CLIC5: variants seen among roughly 807,000 people sequenced by gnomAD.
The protein encoded by CLIC5 is CLIC family member 5.
In CLIC5, 20 loss-of-function variants were observed where a neutral mutation model predicts 24.7. The ratio of observed to expected loss-of-function variants is 0.81; its 90% CI spans 0.57 to 1.18. CLIC5 has a LOEUF of 1.18. Ranked by LOEUF, CLIC5 falls within the 50% of genes most tolerant of loss-of-function variation. The pLI is 0.00. For missense variants in CLIC5, 341 were observed against 326.1 expected (o/e 1.05, Z -0.35); for synonymous variants, 159 against 135.6 (o/e 1.17, Z -1.20).
the CLIC5 span, among the ~76,000 whole-genome samples, chr6:46,098,906 T>C: frequency 3.3e-5 from 5 of 152,156 alleles, no homozygotes; most frequent in Non-Finnish European, 1.5e-5. Flanking sequence ...ACTGGCTTGG[T>C]GCCAGCGCAG....
Position 46,032,674 on chromosome 6 carries a change from A to G in CLIC5, c.540+47029T>C, listed in dbSNP as rs542810427. The stretch of plus-strand genomic sequence containing the variant: ...TCCTCATCTACAGACTCATCCCTGG[A>G]TTCAGAAACCTCTTTTCATTCATTC... On this transcript the variant is annotated intron_variant, in intron 1 of 5. Transcript: ENST00000185206. Among the ~76,000 whole-genome samples the G allele has an allele frequency of 2.6e-5, 4 of 152,296 alleles. No individual in the cohort carries two copies. In the East Asian group the frequency reaches 7.7e-4, roughly 29 times the overall value.
Position 45,898,723 on chromosome 6 carries a change from G to A in CLIC5, c.*4365C>T, listed in dbSNP as rs1351077757. 1.3e-5 allele frequency: 2 copies of A among 152,594 alleles called. No homozygotes were observed. The highest frequency in any genetic ancestry group is 1.9e-4 in the East Asian group (1 of 5,190). 9.5% of individuals were successfully genotyped at this position (152,594 alleles called of 1,614,324 possible). ...ACAAAAGCTAAGCATCTTTTGTTAA[G>A]CTAGTTAACTCCCCAGCTTATAAAA... is the stretch of plus-strand genomic sequence containing the variant. On this transcript the variant is annotated 3_prime_UTR_variant, in exon 6 of 6. Transcript: ENST00000339561.
intron 1 of CLIC5, among the ~76,000 whole-genome samples, chr6:45,969,760 T>C: frequency 6.6e-6 from 1 of 151,960 alleles, no homozygotes; most frequent in African/African-American, 2.4e-5. Context: ...AATCCTGCCT[T>C]GTTATTGAAT....
At chr6:45,947,637 G>A (rs1375206552) in intron 3 of CLIC5, among the ~76,000 whole-genome samples, 1 of 152,180 alleles carries the variant, frequency 6.6e-6, no homozygotes. Flanking sequence ...TTTCCTCTAT[G>A]GGTCTCCCAG....
chr6:45,920,193 T>A, intron 4 of CLIC5: 1 of 978,544 alleles, frequency 1.0e-6, no homozygotes, highest in Non-Finnish European at 1.2e-6. Flanking sequence ...TAATTCTTAG[T>A]ACTTTCAGCG....
intron 1 of CLIC5, among the ~76,000 whole-genome samples, chr6:46,059,085 C>G (rs1314458048): frequency 6.6e-6 from 1 of 152,176 alleles, no homozygotes; most frequent in Non-Finnish European, 1.5e-5. Flanking sequence ...TGGTGTCTAC[C>G]CCTAAGTAGA....
chr6:46,065,521 GC>G (rs1035862385), intron 1 of CLIC5, among the ~76,000 whole-genome samples: 7 of 152,132 alleles, frequency 4.6e-5, no homozygotes, highest in African/African-American at 1.4e-4. Context: ...GAATCCAAGT[GC>G]CCTCAACTGC....
At chr6:45,958,833 C>T (rs1764754457) in intron 1 of CLIC5, among the ~76,000 whole-genome samples, 1 of 152,062 alleles carries the variant, frequency 6.6e-6, no homozygotes, top group Non-Finnish European at 1.5e-5. Flanking sequence ...CTGAAACTTA[C>T]TTTATATTCA....
chr6:46,072,737 A>G (rs1327227622), intron 1 of CLIC5, among the ~76,000 whole-genome samples: 1 of 152,172 alleles, frequency 6.6e-6, no homozygotes, highest in Non-Finnish European at 1.5e-5. Flanking sequence ...AAAGGCTTAG[A>G]AAAGGATTTG....
In CLIC5 at chr6:46,058,444, G is replaced by T. The variant is rs561388583; in HGVS notation, c.540+21259C>A. 6.6e-5 allele frequency among the ~76,000 whole-genome samples: 10 copies of T among 152,304 alleles called. No homozygotes were observed. In the East Asian group the frequency reaches 1.2e-3, roughly 18 times the overall value. Reference sequence around the variant, plus strand: ...TCCAAGGCTAAAGAGTTAGTAAACGGCAAATTTGAGATTTGAATTCAATTG... The same window carrying T: ...TCCAAGGCTAAAGAGTTAGTAAACGTCAAATTTGAGATTTGAATTCAATTG... On this transcript the variant is annotated intron_variant, in intron 1 of 5. Coordinates refer to the CLIC5 transcript ENST00000185206.
intron 1 of CLIC5, among the ~76,000 whole-genome samples, chr6:46,026,397 G>C (rs956476017): frequency 3.3e-5 from 5 of 152,106 alleles, no homozygotes; most frequent in African/African-American, 1.2e-4. Context: ...TAGTGAGGCA[G>C]ACACAGAGGA....
At chr6:46,122,343 C>T in the CLIC5 span, among the ~76,000 whole-genome samples, 55 of 152,230 alleles carry the variant, frequency 3.6e-4, no homozygotes, top group African/African-American at 1.2e-3. Flanking sequence ...GGGTACATAA[C>T]AAAATGAAGA....
At chr6:45,912,544 G>A in intron 5 of CLIC5, 1 of 1,387,320 alleles carries the variant, frequency 7.2e-7, no homozygotes, top group South Asian at 1.5e-5. Context: ...AGGCAAGAAG[G>A]AATACAATCC....
At chr6:45,933,803 G>T (rs3777570) in intron 4 of CLIC5, among the ~76,000 whole-genome samples, 9,156 of 152,236 alleles carry the variant, frequency 0.06, 498 homozygotes, top group East Asian at 0.2. Flanking sequence ...CTGCAGGGAG[G>T]TCTCCTGAGT....
chr6:45,883,312 C>T (rs540087619), intron 6 of CLIC5, among the ~76,000 whole-genome samples: 46 of 152,282 alleles, frequency 3.0e-4, no homozygotes, highest in Admixed American at 1.0e-3. Flanking sequence ...TTTAGTGTTT[C>T]CCAAATATAT....
chr6:45,999,036 C>T (rs114772941), intron 1 of CLIC5, among the ~76,000 whole-genome samples: 1 of 152,300 alleles, frequency 6.6e-6, no homozygotes, highest in African/African-American at 2.4e-5. Flanking sequence ...GCTATGAGAG[C>T]TCCAAGGCCA....
intron 1 of CLIC5, among the ~76,000 whole-genome samples, chr6:45,989,463 GGAAGTAGTTTTC>G (rs1282024052): frequency 2.6e-5 from 4 of 152,184 alleles, no homozygotes; most frequent in Non-Finnish European, 4.4e-5. Flanking sequence ...GTAGATCAAT[GGAAGTAGTTTTC>G]TAGATTCACC....
intron 3 of CLIC5, among the ~76,000 whole-genome samples, chr6:45,943,448 G>A (rs561624614): frequency 2.6e-5 from 4 of 152,306 alleles, no homozygotes; most frequent in African/African-American, 9.6e-5. Flanking sequence ...AGGGCTTCCT[G>A]CAAGATACTA....
intron 1 of CLIC5, among the ~76,000 whole-genome samples, chr6:45,962,333 G>C (rs1764874198): frequency 6.6e-6 from 1 of 151,822 alleles, no homozygotes; most frequent in Admixed American, 6.6e-5. Flanking sequence ...CCCCGGGGAA[G>C]AGCCGCAGTT....
Sources: allele counts gnomAD v4.1 joint callset (sites outside exome capture counted in the v4.1 genomes callset), GRCh38; gene constraint gnomAD v4.1.1; transcripts MANE v1.5; gene names NCBI Gene and HGNC (gene_info 2026-07-23, HGNC 2026-07-21).